Variants in WWC1 observed in about 807,000 individuals in gnomAD.
WWC1 encodes the protein WW and C2 domain containing 1, also known as protein KIBRA.
WWC1 carries 55 observed loss-of-function variants against 138.4 expected under a neutral mutation model. The ratio of observed to expected loss-of-function variants is 0.40; its 90% confidence interval spans 0.32 to 0.50. The LOEUF (loss-of-function observed/expected upper bound fraction) is 0.50, where lower values mean the gene tolerates loss of function less well. Among genes scored for constraint, WWC1 ranks in the 20% least tolerant of loss-of-function variants. The probability of loss-of-function intolerance (pLI) is 0.72; values close to 1 mark genes in which losing one functional copy is unlikely to be tolerated. For synonymous variants in WWC1, 524 were observed against 564.9 expected (o/e 0.93, Z 1.03); for missense variants, 1,226 against 1,420.4 (o/e 0.86, Z 2.20).
chr5:168,443,776 C>T (rs1258351434), intron 16 of WWC1, among the ~76,000 whole-genome samples: 1 of 152,232 alleles, frequency 6.6e-6, no homozygotes, highest in East Asian at 1.9e-4. Context: ...CTCTGGCCCA[C>T]ACTACCAAGG....
At position 168,455,441 on chromosome 5, in the gene WWC1, A is replaced by C. The variant is rs1190158289; in HGVS notation, c.2744A>C (p.Gln915Pro). ...GACCGGAGAGTGGGCACCCCGTCCC[A>C]GGGGCCATTTCTTCGAGGGAGCACC... ...PKDRRVGTPS[Q>P]GPFLRGSTII... The change falls in exon 19 of 23, where the codon CAG becomes CCG. Residue 915 changes from glutamine to proline, a missense_variant. By Grantham distance (76) the Gln-to-Pro change is moderately conservative. Around this residue, in one of 3 missense-constraint regions of WWC1, gnomAD observed 1,016 missense variants for 1,153.9 expected, o/e 0.88. Coordinates refer to ENST00000265293, the MANE Select transcript of WWC1 (RefSeq NM_015238.3). The C allele has an allele frequency of 1.9e-6, 3 of 1,612,380 alleles. No individual in the cohort carries two copies. The highest frequency in any genetic ancestry group is 2.7e-5 in the African/African-American group (2 of 74,852).
chr5:168,445,178 G>C (rs1755132970), intron 17 of WWC1, among the ~76,000 whole-genome samples: 1 of 150,346 alleles, frequency 6.7e-6, no homozygotes, highest in South Asian at 2.1e-4. Context: ...GCTGGGCATG[G>C]TGGGGCACGC....
At chr5:168,399,598 G>T (rs1779160229) in intron 5 of WWC1, 31 bp downstream of exon 5, 2 of 1,609,346 alleles carry the variant, frequency 1.2e-6, no homozygotes, top group African/African-American at 2.7e-5. Context: ...AGAGCATGGG[G>T]GCTGCTCCCC....
chr5:168,403,883 C>CACACACAT (rs1479699903), intron 5 of WWC1, among the ~76,000 whole-genome samples: 1 of 150,180 alleles, frequency 6.7e-6, no homozygotes, highest in African/African-American at 2.5e-5. Context: ...CACACACACA[C>CACACACAT]ACACACACAC....
chr5:168,405,524 G>C (rs912669323), intron 5 of WWC1, among the ~76,000 whole-genome samples: 1 of 152,094 alleles, frequency 6.6e-6, no homozygotes, highest in African/African-American at 2.4e-5. Context: ...ACAATGTAAC[G>C]ACTGCAGAGT....
In WWC1 at chr5:168,451,903, C is replaced by CTTTTTTTT. The variant is rs3085192; in HGVS notation, c.2526-2052_2526-2045dup. 3.1e-4 allele frequency among the ~76,000 whole-genome samples: 34 copies of CTTTTTTTT among 108,526 alleles called. 1 individual carries two copies. The highest frequency in any genetic ancestry group is 4.0e-4 in the Non-Finnish European group (23 of 57,016). 71.2% of individuals were successfully genotyped at this position (108,526 alleles called of 152,430 possible). A position where few individuals can be genotyped will look rare whatever the true frequency, so the allele number is the denominator to read the frequency against. The stretch of plus-strand genomic sequence containing the variant: ...CTTTGGAGAAGCCATTTGTTGGTGT[C>CTTTTTTTT]TTTTTTTTTTTTTTTTTTTTGAGGT... On this transcript the variant is annotated intron_variant, in intron 17 of 22. Coordinates refer to ENST00000265293, the MANE Select transcript of WWC1 (RefSeq NM_015238.3).
chr5:168,448,345 C>A (rs545845902), intron 17 of WWC1, among the ~76,000 whole-genome samples: 1 of 152,292 alleles, frequency 6.6e-6, no homozygotes, highest in African/African-American at 2.4e-5. Flanking sequence ...CACTGGTACT[C>A]CCTCTTTTTA....
At chr5:168,393,143 A>T (rs985932655) in intron 3 of WWC1, among the ~76,000 whole-genome samples, 1 of 152,226 alleles carries the variant, frequency 6.6e-6, no homozygotes, top group African/African-American at 2.4e-5. Context: ...AAGGACAGGA[A>T]ATCTACTATC....
At chr5:168,372,055 G>T (rs1284617342) in intron 2 of WWC1, among the ~76,000 whole-genome samples, 40 of 33,404 alleles carry the variant, frequency 1.2e-3, no homozygotes, top group Non-Finnish European at 4.1e-4. Context: ...GAGTGTGTTT[G>T]TGTGTGTGTG....
At chr5:168,448,313 C>A (rs562450966) in intron 17 of WWC1, among the ~76,000 whole-genome samples, 18 of 152,264 alleles carry the variant, frequency 1.2e-4, no homozygotes, top group African/African-American at 4.3e-4. Flanking sequence ...AGTCCTTCCT[C>A]GGCACCCAAA....
chr5:168,455,826 G>A (rs1471832649), intron 19 of WWC1, among the ~76,000 whole-genome samples: 8 of 152,092 alleles, frequency 5.3e-5, no homozygotes, highest in Non-Finnish European at 5.9e-5. Context: ...AGGGGGACCC[G>A]TCAGTGGCCC....
chr5:168,432,751 AAACT>A (rs1782048259), intron 15 of WWC1, among the ~76,000 whole-genome samples: 1 of 152,116 alleles, frequency 6.6e-6, no homozygotes, highest in Non-Finnish European at 1.5e-5. Flanking sequence ...AGATGTAAAC[AAACT>A]GTGAGGAGGG....
intron 5 of WWC1, among the ~76,000 whole-genome samples, 200 bp downstream of exon 5, chr5:168,399,767 G>A (rs534562285): frequency 2.0e-5 from 3 of 152,252 alleles, no homozygotes; most frequent in African/African-American, 4.8e-5. Flanking sequence ...GAGGAAAGGG[G>A]AGTCATTTCA....
intron 3 of WWC1, among the ~76,000 whole-genome samples, chr5:168,389,700 A>AC (rs1778342305): frequency 6.6e-6 from 1 of 151,144 alleles, no homozygotes; most frequent in Non-Finnish European, 1.5e-5. Flanking sequence ...TACCGACTGA[A>AC]CCAGTTGGGC....
chr5:168,403,715 G>A (rs746497000), intron 5 of WWC1, among the ~76,000 whole-genome samples: 4 of 152,138 alleles, frequency 2.6e-5, no homozygotes, highest in South Asian at 2.1e-4. Flanking sequence ...TACAAAGCAC[G>A]AGCCCTGCCG....
At chr5:168,391,705 A>C (rs1582133831) in intron 3 of WWC1, among the ~76,000 whole-genome samples, 1 of 143,566 alleles carries the variant, frequency 7.0e-6, no homozygotes, top group South Asian at 2.3e-4. Context: ...TGAATCACTC[A>C]CTTGATTTTA....
chr5:168,455,619 C>T (rs928596759), intron 19 of WWC1, 99 bp downstream of exon 19: 17 of 1,474,814 alleles, frequency 1.2e-5, no homozygotes, highest in African/African-American at 1.4e-5. Flanking sequence ...TATTGGGTGA[C>T]TTCGGGTATG....
intron 1 of WWC1, among the ~76,000 whole-genome samples, chr5:168,325,473 C>T (rs2152761993): frequency 6.6e-6 from 1 of 152,238 alleles, no homozygotes; most frequent in South Asian, 2.1e-4. Flanking sequence ...GGAGCTGAGT[C>T]AGCACCAGGT....
chr5:168,324,432 CA>C (rs1289976471), intron 1 of WWC1, among the ~76,000 whole-genome samples: 8 of 145,892 alleles, frequency 5.5e-5, no homozygotes, highest in Admixed American at 1.4e-4. Context: ...GACTCTGTCT[CA>C]AAAAAAAAAT....
Sources: allele counts gnomAD v4.1 joint callset (sites outside exome capture counted in the v4.1 genomes callset), GRCh38; gene constraint gnomAD v4.1.1; regional missense constraint gnomAD v4.1.1; transcripts MANE v1.5; gene names NCBI Gene and HGNC (gene_info 2026-07-23, HGNC 2026-07-21).